Variants in PCDHGA1 observed in about 807,000 individuals in gnomAD.
PCDHGA1 encodes protocadherin gamma subfamily A, 1, also known as protocadherin gamma-A1.
Under a neutral mutation model 58.0 loss-of-function variants are expected in PCDHGA1, and 32 were observed. The ratio of observed to expected loss-of-function variants is 0.55; its 90% CI spans 0.42 to 0.74. The LOEUF (loss-of-function observed/expected upper bound fraction) is 0.74, where lower values mean the gene tolerates loss of function less well. PCDHGA1 is among the 30% of genes least tolerant of loss of function. PCDHGA1 has a pLI of 0.00. For synonymous variants in PCDHGA1, 498 were observed against 501.1 expected (o/e 0.99, Z 0.08); for missense variants, 1,205 against 1,182.3 (o/e 1.02, Z -0.28).
At chr5:141,407,360 A>G (rs1024336863) in intron 1 of PCDHGA1, among the ~76,000 whole-genome samples, 1 of 152,232 alleles carries the variant, frequency 6.6e-6, no homozygotes, top group Non-Finnish European at 1.5e-5. Flanking sequence ...GGAAAACATA[A>G]CAGATATCCA....
At chr5:141,421,921 G>T in intron 1 of PCDHGA1, 1 of 1,613,644 alleles carries the variant, frequency 6.2e-7, no homozygotes, top group Non-Finnish European at 8.5e-7. Context: ...CATTCGTGTG[G>T]TGGTCCTCGA....
rs745516293 is a variant in PCDHGA1, at chr5:141,382,909, C to T, written c.2421+49804C>T. 11 of 1,546,196 alleles carry T rather than the reference C, an allele frequency of 7.1e-6. No homozygotes were observed. The South Asian group carries it at 1.4e-4, about 19-fold the overall frequency. On this transcript the variant is annotated intron_variant, in intron 1 of 3. Transcript: ENST00000517417. Reference sequence around the variant, plus strand: ...GAGAAGCAGGACGACTATGGCGGCTCAGCCGAGGGGCGGGGACTACAGAGG... The same window carrying T: ...GAGAAGCAGGACGACTATGGCGGCTTAGCCGAGGGGCGGGGACTACAGAGG...
chr5:141,441,359 G>T (rs932747576), intron 1 of PCDHGA1: 1 of 152,522 alleles, frequency 6.6e-6, no homozygotes, highest in Non-Finnish European at 1.5e-5. Flanking sequence ...TGTAACAAAT[G>T]GGGCCGTGGA....
At chr5:141,449,282 G>A (rs1285842278) in intron 1 of PCDHGA1, among the ~76,000 whole-genome samples, 17 of 152,002 alleles carry the variant, frequency 1.1e-4, no homozygotes, top group Admixed American at 4.6e-4. Context: ...CCTTCACCCG[G>A]ATGCACCGGG....
chr5:141,371,867 C>A (rs1452583584), intron 1 of PCDHGA1: 14 of 1,613,430 alleles, frequency 8.7e-6, no homozygotes, highest in Non-Finnish European at 1.0e-5. Context: ...CCTACTACAT[C>A]GTGGCCAGTG....
chr5:141,383,860 G>C lies in PCDHGA1; in HGVS notation c.2421+50755G>C, dbSNP rs772168555. On this transcript the variant is annotated intron_variant, in intron 1 of 3. Coordinates refer to ENST00000517417, the MANE Select transcript of PCDHGA1 (RefSeq NM_018912.3). ...TGCCTTCTATGAAATGGAGGTTCAG[G>C]CTCAAGATGGTCCTGGTAGTCTGAC... 6 of 1,613,808 alleles carry C rather than the reference G, an allele frequency of 3.7e-6. No homozygotes were observed. The Admixed American group carries it at 8.3e-5, about 22-fold the overall frequency.
In PCDHGA1 at chr5:141,512,237, G is replaced by A. The variant is rs2099884134; in HGVS notation, c.*1064G>A. ...AGGACCAGGTCCCCTTGAGAGGTCA[G>A]AGGGGCCTCTGTGGGTGCTGGGTAC... On this transcript the variant is annotated 3_prime_UTR_variant, in exon 4 of 4. Transcript: ENST00000517417. 1 of 152,774 alleles carries A rather than the reference G, an allele frequency of 6.5e-6. No homozygotes were observed. The highest frequency in any genetic ancestry group is 1.5e-5 in the Non-Finnish European group (1 of 68,148). The allele number at this position is 152,774 out of a possible 1,614,324, so 9.5% of individuals were successfully genotyped here.
chr5:141,346,533 A>G, intron 1 of PCDHGA1: 1 of 1,567,200 alleles, frequency 6.4e-7, no homozygotes, highest in Non-Finnish European at 8.7e-7. Flanking sequence ...ACACATATGT[A>G]TTTGAGAAAT....
chr5:141,332,905 G>A lies in PCDHGA1; in HGVS notation c.2221G>A (p.Val741Met). 1 of 1,614,238 alleles carries A rather than the reference G, an allele frequency of 6.2e-7. No homozygotes were observed. Among genetic ancestry groups the A allele is most frequent in the Non-Finnish European group, 8.5e-7 (1 of 1,180,036 alleles). ...GLASMPGSHF[V>M]GVDGVRAFLQ... ...AGCGAGCATGCCCGGTTCGCACTTT[G>A]TGGGCGTGGACGGGGTTCGGGCTTT... Residue 741 changes from valine to methionine, a missense_variant, in exon 1 of 4, where the codon GTG becomes ATG. Physicochemically the swap from Val to Met is conservative, Grantham distance 21 (BLOSUM62 1). Transcript: ENST00000517417. This position sits in a 1 kb window ranked among gnomAD's most constrained non-coding sequence, Gnocchi z 4.6.
intron 1 of PCDHGA1, among the ~76,000 whole-genome samples, chr5:141,472,561 T>C (rs1000220187): frequency 2.6e-5 from 4 of 151,632 alleles, no homozygotes; most frequent in African/African-American, 9.7e-5. Flanking sequence ...AATTATATTA[T>C]AAATGCTGCA....
At chr5:141,400,003 C>G (rs2093938557) in intron 1 of PCDHGA1, 1 of 1,612,278 alleles carries the variant, frequency 6.2e-7, no homozygotes, top group Non-Finnish European at 8.5e-7. Context: ...GCGCACAGCG[C>G]GTGCCTTGGG....
intron 1 of PCDHGA1, chr5:141,421,143 A>T (rs2096549098): frequency 3.1e-6 from 3 of 964,414 alleles, no homozygotes; most frequent in Non-Finnish European, 4.5e-6. Flanking sequence ...TTTTGGATGT[A>T]GTCGGCCTAG....
rs2099692694 is a variant in PCDHGA1, at chr5:141,489,817, GAGCTGGTGCTAGAGCAGC to G, written c.2422-4983_2422-4966del. On this transcript the variant is annotated intron_variant, in intron 1 of 3. Transcript: ENST00000517417. This position sits in a 1 kb window ranked among gnomAD's most constrained non-coding sequence, Gnocchi z 4.5. ...CCTAAAAGATGGGAAGCCATTCCCA[GAGCTGGTGCTAGAGCAGC>G]AGCTGGATCGTGAAGCCCAGGCAAG... 6 of 1,613,992 alleles carry G rather than the reference GAGCTGGTGCTAGAGCAGC, an allele frequency of 3.7e-6. No individual in the cohort carries two copies. Among genetic ancestry groups the G allele is most frequent in the Non-Finnish European group, 5.1e-6 (6 of 1,179,944 alleles).
In PCDHGA1 at chr5:141,489,068, G is replaced by GGC; in HGVS notation, c.2422-5739_2422-5738insGC. 1 of 291,558 alleles carries GGC rather than the reference G, an allele frequency of 3.4e-6. No individual in the cohort carries two copies. The allele number at this position is 291,558 out of a possible 1,614,324, so 18.1% of individuals were successfully genotyped here. ...CTCAAATTCAGCTCCCCTCCCCCCT[G>GGC]CCCACCCCCGCCACTCGGTGACTAA... On this transcript the variant is annotated intron_variant, in intron 1 of 3. Transcript: ENST00000517417. The surrounding 1 kb of genome is among the most constrained non-coding windows in gnomAD (Gnocchi z 4.5).
chr5:141,350,772 C>T (rs1258224944), intron 1 of PCDHGA1: 2 of 1,613,790 alleles, frequency 1.2e-6, no homozygotes, highest in African/African-American at 2.7e-5. Context: ...ACCATCAACC[C>T]CAATCAATAC....
At chr5:141,392,815 T>G (rs1361544072) in intron 1 of PCDHGA1, 1 of 1,586,560 alleles carries the variant, frequency 6.3e-7, no homozygotes, top group South Asian at 1.1e-5. Flanking sequence ...AAAACAACAA[T>G]GGCCGCTCCA....
intron 1 of PCDHGA1, chr5:141,419,816 C>T (rs910172118): frequency 1.2e-6 from 2 of 1,614,058 alleles, no homozygotes; most frequent in Non-Finnish European, 8.5e-7. Context: ...AGGACAGCCA[C>T]CCCTTTCAGC....
At chr5:141,498,011 G>A (rs995865984) in intron 2 of PCDHGA1, among the ~76,000 whole-genome samples, 2 of 152,204 alleles carry the variant, frequency 1.3e-5, no homozygotes, top group Non-Finnish European at 2.9e-5. Flanking sequence ...ACAGTGCACT[G>A]AAGGAGACAA....
intron 1 of PCDHGA1, chr5:141,351,522 C>T (rs773991273): frequency 4.3e-6 from 7 of 1,614,018 alleles, no homozygotes; most frequent in Non-Finnish European, 5.9e-6. Flanking sequence ...ATCATAGCCA[C>T]CGACAAGGGC....
Sources: gnomAD v4.1 joint callset for allele counts (sites outside exome capture counted in the v4.1 genomes callset) on GRCh38, gnomAD v4.1.1 for gene constraint, Gnocchi (gnomAD v3.1) non-coding constraint, MANE v1.5 for transcripts, NCBI Gene and HGNC (gene_info 2026-07-23, HGNC 2026-07-21) for gene names.